The following MAT1A variants were observed in gnomAD, a reference collection of about 807,000 sequenced individuals.
MAT1A encodes S-adenosylmethionine synthase isoform type-1.
MAT1A carries 19 observed loss-of-function variants against 44.0 expected under a neutral mutation model. The ratio of observed to expected loss-of-function variants is 0.43; its 90% CI spans 0.30 to 0.63. MAT1A has a LOEUF of 0.63. Among genes scored for constraint, MAT1A ranks in the 30% least tolerant of loss-of-function variants. The pLI is 0.12. For missense variants in MAT1A, 397 were observed against 531.0 expected, an observed-to-expected ratio of 0.75 and a Z score of 2.48; for synonymous variants, 205 against 205.6, an observed-to-expected ratio of 1.00 and a Z score of 0.03.
At chr10:80,281,601 C>G (rs917261570) in intron 3 of MAT1A, among the ~76,000 whole-genome samples, 1 of 152,104 alleles carries the variant, frequency 6.6e-6, no homozygotes, top group Admixed American at 6.5e-5. Flanking sequence ...GCCCCCACCA[C>G]AAGGTCAAGC....
intron 1 of MAT1A, among the ~76,000 whole-genome samples, 175 bp from the exon 2 acceptor site, chr10:80,285,764 A>G (rs1379194903): frequency 1.3e-5 from 2 of 152,164 alleles, no homozygotes; most frequent in African/African-American, 2.4e-5. Context: ...ATTTATTTCC[A>G]TTCCTGCCTA....
chr10:80,280,362 G>A (rs368886695), intron 4 of MAT1A, 46 bp from the exon 5 acceptor site: 3 of 1,610,668 alleles, frequency 1.9e-6, no homozygotes, highest in African/African-American at 2.7e-5. Flanking sequence ...TAGACCAAGA[G>A]GACCGCAGCT....
intron 5 of MAT1A, among the ~76,000 whole-genome samples, chr10:80,277,040 C>T (rs1427839247): frequency 6.6e-6 from 1 of 152,224 alleles, no homozygotes; most frequent in East Asian, 1.9e-4. Context: ...CAAGATCACA[C>T]AGTCGGAAGA....
chr10:80,282,532 C>T lies in MAT1A; in HGVS notation c.292+1384G>A, dbSNP rs1368632215. 2.6e-5 allele frequency among the ~76,000 whole-genome samples: 4 copies of T among 152,308 alleles called. No individual in the cohort carries two copies. The East Asian group carries it at 7.7e-4, about 29-fold the overall frequency. ...TGCACTTGAATAAGGTCTAAATGTA[C>T]ATAAACAAATTGGCTTTTTTTTTGG... On this transcript the variant is annotated intron_variant, in intron 3 of 8. Coordinates refer to ENST00000372213, the MANE Select transcript of MAT1A (RefSeq NM_000429.3).
rs1461219602 is a variant in MAT1A, at chr10:80,276,598, T to C, written c.550-4A>G. On this transcript the variant is annotated splice_polypyrimidine_tract_variant and splice_region_variant and intron_variant, in intron 5 of 8. Coordinates refer to ENST00000372213, the MANE Select transcript of MAT1A (RefSeq NM_000429.3). ...CCTGCATGTACTGAACTGTCACCTG[T>C]CCATCAGAAGGGTGGGGGAGATACT... is the stretch of plus-strand genomic sequence containing the variant. The C allele has an allele frequency of 6.2e-7, 1 of 1,609,504 alleles. No homozygotes were observed. The highest frequency in any genetic ancestry group is 1.3e-5 in the African/African-American group (1 of 74,930).
chr10:80,280,872 T>G, intron 3 of MAT1A, 80 bp from the exon 4 acceptor site: 1 of 1,004,146 alleles, frequency 1.0e-6, no homozygotes, highest in Non-Finnish European at 1.6e-6. Context: ...ATGGCTCGGT[T>G]CCTGACATGC....
chr10:80,273,633 T>C lies in MAT1A; in HGVS notation c.*148A>G. On this transcript the variant is annotated 3_prime_UTR_variant, in exon 9 of 9. Coordinates refer to ENST00000372213, the MANE Select transcript of MAT1A (RefSeq NM_000429.3). ...AGCCCCTGCCTCCAGCTGGCCATGATGATGACAGGACAGGCTAAATGAGAG... is the reference window on the plus strand; with the variant it reads ...AGCCCCTGCCTCCAGCTGGCCATGACGATGACAGGACAGGCTAAATGAGAG... 2 of 728,044 alleles carry C rather than the reference T, an allele frequency of 2.7e-6. No homozygotes were observed. Among genetic ancestry groups the C allele is most frequent in the Non-Finnish European group, 5.0e-6 (2 of 396,942 alleles). 45.1% of individuals were successfully genotyped at this position (728,044 alleles called of 1,614,324 possible).
chr10:80,284,079 G>T (rs368595208), intron 2 of MAT1A, 41 bp from the exon 3 acceptor site: 2 of 1,608,674 alleles, frequency 1.2e-6, no homozygotes, highest in African/African-American at 2.7e-5. Context: ...GCAGCCAAGT[G>T]CCAGCAAAGG....
chr10:80,280,847 C>A (rs1841557665), intron 3 of MAT1A, 55 bp from the exon 4 acceptor site: 1 of 1,249,742 alleles, frequency 8.0e-7, no homozygotes, highest in African/African-American at 1.5e-5. Flanking sequence ...GAGGGGGCCA[C>A]AAACTTCCCA....
intron 1 of MAT1A, among the ~76,000 whole-genome samples, chr10:80,287,614 AC>A (rs1841665035): frequency 6.6e-6 from 1 of 152,202 alleles, no homozygotes; most frequent in African/African-American, 2.4e-5. Context: ...CATTCTTGGG[AC>A]CACTAGCCGC....
In MAT1A at chr10:80,284,200, C is replaced by T. The variant is rs572198407; in HGVS notation, c.170-162G>A. On this transcript the variant is annotated intron_variant, in intron 2 of 8. Transcript: ENST00000372213. ...AGAAACGCCAATAAAAAGAAAAAAT[C>T]CCAGCACCAAGCACTGAGCATCTTC... Among the ~76,000 whole-genome samples, 233 of 152,286 alleles carry T rather than the reference C, an allele frequency of 1.5e-3. 1 individual carries two copies. The highest frequency in any genetic ancestry group is 5.3e-3 in the African/African-American group (220 of 41,558).
In MAT1A at chr10:80,273,820, G is replaced by C; in HGVS notation, c.1149C>G (p.Ser383Arg). The change falls in exon 9 of 9, where the codon AGC becomes AGG. Residue 383 changes from serine to arginine, a missense_variant. Ser to Arg is a moderately radical substitution (Grantham distance 110). Coordinates refer to ENST00000372213, the MANE Select transcript of MAT1A (RefSeq NM_000429.3). ...KTACYGHFGR[S>R]EFPWEVPRKL... ...TCCTGGGAACCTCCCATGGGAACTC[G>C]CTTCTTCCGAAATGGCCGTAGCATG... The C allele has an allele frequency of 5.6e-6, 9 of 1,613,812 alleles. No homozygotes were observed. Among genetic ancestry groups the C allele is most frequent in the Non-Finnish European group, 7.6e-6 (9 of 1,179,780 alleles).
chr10:80,285,394 G>A (rs1841635275), intron 2 of MAT1A, 118 bp downstream of exon 2: 2 of 820,806 alleles, frequency 2.4e-6, no homozygotes, highest in African/African-American at 3.4e-5. Context: ...ATCTACTGCA[G>A]AGCAGAGGAC....
chr10:80,280,192 C>G lies in MAT1A; in HGVS notation c.530G>C (p.Arg177Pro), dbSNP rs114494303. The change falls in exon 5 of 9, where the codon CGG (arginine) becomes CCG (proline). Residue 177 changes from arginine to proline, a missense_variant. Coordinates refer to ENST00000372213, the MANE Select transcript of MAT1A (RefSeq NM_000429.3). ...GCTCACCTGAGTCTTAGAGTCAGGC[C>G]GCAGCCAGGGGAGGAGGCCGGAGCG... ...LRRSGLLPWL[R>P]PDSKTQVTVQ... 6.2e-7 allele frequency: 1 copy of G among 1,614,058 alleles called. No individual in the cohort carries two copies. The highest frequency in any genetic ancestry group is 2.2e-5 in the East Asian group (1 of 44,860).
rs556508686 is a variant in MAT1A, at chr10:80,277,792, G to C, written c.550-1198C>G. 4.6e-5 allele frequency among the ~76,000 whole-genome samples: 7 copies of C among 152,320 alleles called. No individual in the cohort carries two copies. The East Asian group carries it at 1.4e-3, about 29-fold the overall frequency. On this transcript the variant is annotated intron_variant, in intron 5 of 8. Coordinates refer to ENST00000372213, the MANE Select transcript of MAT1A (RefSeq NM_000429.3). ...CTGCAGAATAGGGCAGCAGAGCAAAGGGCCCTGAACACGGCGCTTATCTCA... is the reference window on the plus strand; with the variant it reads ...CTGCAGAATAGGGCAGCAGAGCAAACGGCCCTGAACACGGCGCTTATCTCA...
chr10:80,274,824 C>G (rs978823932), intron 7 of MAT1A, among the ~76,000 whole-genome samples, 171 bp from the exon 8 acceptor site: 12 of 152,234 alleles, frequency 7.9e-5, no homozygotes, highest in African/African-American at 2.7e-4. Context: ...CTACACGCCT[C>G]TCTCCCTGAA....
In MAT1A at chr10:80,273,537, C is replaced by T; in HGVS notation, c.*244G>A. On this transcript the variant is annotated 3_prime_UTR_variant, in exon 9 of 9. Coordinates refer to ENST00000372213, the MANE Select transcript of MAT1A (RefSeq NM_000429.3). ...GCCTTTTCCACTAAATTAACATTGC[C>T]CCAGTCTGAGGGAGCAGCAGGAGAA... 1 of 526,852 alleles carries T rather than the reference C, an allele frequency of 1.9e-6. No homozygotes were observed. The highest frequency in any genetic ancestry group is 3.4e-6 in the Non-Finnish European group (1 of 290,332). 32.6% of individuals were successfully genotyped at this position (526,852 alleles called of 1,614,324 possible).
chr10:80,273,724 G>C lies in MAT1A; in HGVS notation c.*57C>G. Reference sequence around the variant, plus strand: ...GATCAGCAGCCAGGCGTCTGGGGAAGAGGAGCATGGCCACCAGGTGCCTCC... The same window carrying C: ...GATCAGCAGCCAGGCGTCTGGGGAACAGGAGCATGGCCACCAGGTGCCTCC... On this transcript the variant is annotated 3_prime_UTR_variant, in exon 9 of 9. Coordinates refer to ENST00000372213, the MANE Select transcript of MAT1A (RefSeq NM_000429.3). 2 of 1,254,068 alleles carry C rather than the reference G, an allele frequency of 1.6e-6. No homozygotes were observed. Among genetic ancestry groups the C allele is most frequent in the Non-Finnish European group, 2.3e-6 (2 of 854,168 alleles). The allele number at this position is 1,254,068 out of a possible 1,614,324, so 77.7% of individuals were successfully genotyped here.
chr10:80,285,667 C>T (rs989044958), intron 1 of MAT1A, 78 bp from the exon 2 acceptor site: 10 of 987,422 alleles, frequency 1.0e-5, no homozygotes, highest in South Asian at 5.3e-5. Context: ...AATTAGATAT[C>T]GACTTTTCAG....
Sources: gnomAD v4.1 joint callset for allele counts (sites outside exome capture counted in the v4.1 genomes callset) on GRCh38, gnomAD v4.1.1 for gene constraint, MANE v1.5 for transcripts, NCBI Gene and HGNC (gene_info 2026-07-23, HGNC 2026-07-21) for gene names.